ROBO2: variants seen among roughly 807,000 people sequenced by gnomAD.
The protein encoded by ROBO2 is roundabout homolog 2.
Under a neutral mutation model 160.8 loss-of-function variants are expected in ROBO2, and 53 were observed. The observed-to-expected ratio is 0.33, with a 90% CI of 0.26 to 0.41. ROBO2 has a LOEUF of 0.41. Ranked by LOEUF, ROBO2 falls within the 10% of genes least tolerant of loss-of-function variation. The probability of loss-of-function intolerance (pLI) is 1.00; values close to 1 mark genes in which losing one functional copy is unlikely to be tolerated. For synonymous variants in ROBO2, 664 were observed against 611.7 expected, an observed-to-expected ratio of 1.09 and a Z score of -1.26; for missense variants, 1,577 against 1,722.4, an observed-to-expected ratio of 0.92 and a Z score of 1.49.
chr3:77,064,013 G>A (rs1022909244), intron 1 of ROBO2, among the ~76,000 whole-genome samples: 3 of 152,256 alleles, frequency 2.0e-5, no homozygotes, highest in East Asian at 3.9e-4. Context: ...TAGATGAAGG[G>A]TAAATCTATT....
intron 2 of ROBO2, among the ~76,000 whole-genome samples, chr3:77,174,469 G>T (rs921939691): frequency 1.3e-5 from 2 of 152,032 alleles, no homozygotes; most frequent in Non-Finnish European, 2.9e-5. Flanking sequence ...TTGCTGTGGG[G>T]TTTTTTAAAA....
At chr3:76,086,946 G>T (rs1312108783) in intron 2 of ROBO2, among the ~76,000 whole-genome samples, 3 of 152,066 alleles carry the variant, frequency 2.0e-5, no homozygotes, top group Non-Finnish European at 4.4e-5. Flanking sequence ...TATGAGAAAA[G>T]CCTCTCTGAG....
At chr3:77,460,153 G>A (rs547386938) in intron 2 of ROBO2, among the ~76,000 whole-genome samples, 1 of 152,170 alleles carries the variant, frequency 6.6e-6, no homozygotes, top group Non-Finnish European at 1.5e-5. Flanking sequence ...GGAAAATCGG[G>A]TGGATTCTGA....
At chr3:77,028,552 A>AT in intron 2 of ROBO2, among the ~76,000 whole-genome samples, 1 of 152,058 alleles carries the variant, frequency 6.6e-6, no homozygotes, top group South Asian at 2.1e-4. Flanking sequence ...CCTGTCTCTA[A>AT]TAAAAAAAAT....
chr3:77,615,725 T>C (rs896178854), intron 21 of ROBO2, among the ~76,000 whole-genome samples: 2 of 152,220 alleles, frequency 1.3e-5, no homozygotes, highest in Non-Finnish European at 2.9e-5. Flanking sequence ...AGTTTATTTA[T>C]CCATCTACCT....
intron 2 of ROBO2, among the ~76,000 whole-genome samples, chr3:76,050,207 A>G (rs977902864): frequency 2.0e-5 from 3 of 152,200 alleles, no homozygotes; most frequent in Non-Finnish European, 2.9e-5. Flanking sequence ...AAAAGCAGGC[A>G]GAAGAACTCG....
At chr3:76,432,333 T>C (rs959564671) in intron 2 of ROBO2, among the ~76,000 whole-genome samples, 1 of 152,214 alleles carries the variant, frequency 6.6e-6, no homozygotes, top group Non-Finnish European at 1.5e-5. Context: ...ATATTAGTTA[T>C]ATTTTGCCAC....
chr3:76,048,167 G>A (rs2035704), intron 2 of ROBO2, among the ~76,000 whole-genome samples: 3,146 of 152,116 alleles, frequency 0.021, 45 homozygotes, highest in East Asian at 0.08. Flanking sequence ...TTGCATTCCC[G>A]TAGGTGGGCA....
At chr3:77,338,214 G>C (rs1011619867) in intron 2 of ROBO2, among the ~76,000 whole-genome samples, 1 of 152,082 alleles carries the variant, frequency 6.6e-6, no homozygotes, top group Non-Finnish European at 1.5e-5. Flanking sequence ...AATTTGTTTG[G>C]AGATAGTATT....
intron 2 of ROBO2, among the ~76,000 whole-genome samples, chr3:76,081,484 TAATA>T (rs745692980): frequency 8.5e-5 from 13 of 152,090 alleles, no homozygotes; most frequent in Non-Finnish European, 1.5e-4. Context: ...ATAATAAAAA[TAATA>T]AATAACTTGT....
intron 2 of ROBO2, among the ~76,000 whole-genome samples, chr3:77,295,325 C>G (rs1365502591): frequency 6.7e-6 from 1 of 149,822 alleles, no homozygotes; most frequent in African/African-American, 2.5e-5. Flanking sequence ...AACGGGTAAG[C>G]TGAGGCTAGA....
rs1409746925 is a variant in ROBO2, at chr3:76,385,232, G to C, written c.109+447630G>C. Among the ~76,000 whole-genome samples, 3 of 152,040 alleles carry C rather than the reference G, an allele frequency of 2.0e-5. No individual in the cohort carries two copies. In the East Asian group the frequency reaches 5.8e-4, roughly 29 times the overall value. Reference sequence around the variant, plus strand: ...CTGGTCTCAAACTCCTGGACTCAAGGCATACACCCACCTTCGTCTTCCATG... The same window carrying C: ...CTGGTCTCAAACTCCTGGACTCAAGCCATACACCCACCTTCGTCTTCCATG... On this transcript the variant is annotated intron_variant, in intron 2 of 26. Coordinates refer to the ROBO2 transcript ENST00000487694.
intron 2 of ROBO2, among the ~76,000 whole-genome samples, chr3:77,320,949 G>A (rs2064621202): frequency 6.6e-6 from 1 of 152,154 alleles, no homozygotes; most frequent in South Asian, 2.1e-4. Flanking sequence ...GGTATGCAAA[G>A]TAGGCAAGGT....
At chr3:76,304,747 CTTCTTTCT>C (rs1222058179) in intron 2 of ROBO2, among the ~76,000 whole-genome samples, 3,531 of 101,552 alleles carry the variant, frequency 0.035, 121 homozygotes, top group East Asian at 0.14. Flanking sequence ...CTTTTCTTTC[CTTCTTTCT>C]TTCTTTCTTT....
intron 2 of ROBO2, among the ~76,000 whole-genome samples, chr3:76,323,686 G>T (rs1421882687): frequency 6.6e-6 from 1 of 152,138 alleles, no homozygotes; most frequent in Non-Finnish European, 1.5e-5. Flanking sequence ...AAACCAGATG[G>T]CAAGAAAAAG....
At chr3:76,340,427 C>T (rs564001463) in intron 2 of ROBO2, among the ~76,000 whole-genome samples, 289 of 152,182 alleles carry the variant, frequency 1.9e-3, no homozygotes, top group Non-Finnish European at 3.2e-3. Context: ...GGATGCCAGT[C>T]TATCACTCTA....
At position 76,040,284 on chromosome 3, in the gene ROBO2, G is replaced by A. The variant is rs576457305; in HGVS notation, c.109+102682G>A. Among the ~76,000 whole-genome samples, 27 of 151,592 alleles carry A rather than the reference G, an allele frequency of 1.8e-4. 1 individual carries two copies. Among genetic ancestry groups the A allele is most frequent in the East Asian group, 1.7e-3 (9 of 5,170 alleles). On this transcript the variant is annotated intron_variant, in intron 2 of 26. Coordinates refer to the ROBO2 transcript ENST00000487694. ...TATTTTTTGAGTGCTTCAAATTTAG[G>A]ATGGTAAATCTTTTCTGCATATCTA...
At chr3:77,277,180 C>CTTTCT (rs761411650) in intron 2 of ROBO2, among the ~76,000 whole-genome samples, 5 of 114,736 alleles carry the variant, frequency 4.4e-5, no homozygotes, top group Non-Finnish European at 7.0e-5. Flanking sequence ...TTCTTTCTTT[C>CTTTCT]TTTCTTTCTT....
intron 2 of ROBO2, among the ~76,000 whole-genome samples, chr3:76,675,907 A>T (rs2092395772): frequency 6.6e-6 from 1 of 152,162 alleles, no homozygotes; most frequent in African/African-American, 2.4e-5. Context: ...AAGACCATGG[A>T]CATATAGCTT....
Sources: allele counts gnomAD v4.1 joint callset (sites outside exome capture counted in the v4.1 genomes callset), GRCh38; gene constraint gnomAD v4.1.1; transcripts MANE v1.5; gene names NCBI Gene and HGNC (gene_info 2026-07-23, HGNC 2026-07-21).